The following ZNF385D variants were observed in gnomAD, a reference collection of about 807,000 sequenced individuals.
The protein encoded by ZNF385D is zinc finger protein 659.
In ZNF385D, 15 loss-of-function variants were observed where a neutral mutation model predicts 35.8. That is an observed-to-expected ratio of 0.42 (90% CI 0.28 to 0.64). ZNF385D has a LOEUF of 0.64. Ranked by LOEUF, ZNF385D falls within the 30% of genes least tolerant of loss-of-function variation. The pLI is 0.23. For missense variants in ZNF385D, 474 were observed against 494.6 expected (o/e 0.96, Z 0.39); for synonymous variants, 212 against 186.8 (o/e 1.13, Z -1.10).
chr3:22,143,858 G>A (rs1031430139), intron 3 of ZNF385D, among the ~76,000 whole-genome samples: 1 of 152,072 alleles, frequency 6.6e-6, no homozygotes, highest in Non-Finnish European at 1.5e-5. Context: ...ACTACACAAT[G>A]TATTATTTCT....
intron 3 of ZNF385D, among the ~76,000 whole-genome samples, chr3:22,045,726 A>G (rs1314449871): frequency 2.0e-5 from 3 of 150,772 alleles, no homozygotes. Flanking sequence ...TCTCACTTCT[A>G]TTTTTTTTTG....
intron 3 of ZNF385D, among the ~76,000 whole-genome samples, chr3:21,801,487 C>T (rs1432230837): frequency 6.6e-6 from 1 of 152,122 alleles, no homozygotes; most frequent in Non-Finnish European, 1.5e-5. Flanking sequence ...ATTAACAAGT[C>T]AATCTCTTTA....
intron 2 of ZNF385D, among the ~76,000 whole-genome samples, chr3:22,237,931 C>A (rs1406333824): frequency 6.6e-6 from 1 of 150,980 alleles, no homozygotes; most frequent in Non-Finnish European, 1.5e-5. Flanking sequence ...CCTGAGTCAC[C>A]ACCCCTGGGC....
At chr3:22,263,457 C>T (rs1286948253) in intron 2 of ZNF385D, among the ~76,000 whole-genome samples, 1 of 152,090 alleles carries the variant, frequency 6.6e-6, no homozygotes. Flanking sequence ...GACTATTCCA[C>T]CTGAAATAGT....
chr3:22,267,038 A>G lies in ZNF385D; in HGVS notation c.107-98003T>C, dbSNP rs115205383. Among the ~76,000 whole-genome samples the G allele has an allele frequency of 4.4e-3, 669 of 152,108 alleles. 7 individuals are homozygous for G. The highest frequency in any genetic ancestry group is 0.015 in the African/African-American group (636 of 41,566). ...ATTTAAAGTGAAACAAAAGTAGATT[A>G]GGCAATTCTCTTCTGAAGTTTAATT... On this transcript the variant is annotated intron_variant, in intron 2 of 5. Transcript: ENST00000494108.
intron 3 of ZNF385D, among the ~76,000 whole-genome samples, chr3:22,112,847 A>AC (rs1193854720): frequency 6.6e-6 from 1 of 151,968 alleles, no homozygotes; most frequent in Non-Finnish European, 1.5e-5. Context: ...ATGGGGGGGA[A>AC]AAAAAACAGA....
intron 2 of ZNF385D, among the ~76,000 whole-genome samples, chr3:22,197,337 C>A (rs1254469936): frequency 6.6e-6 from 1 of 151,944 alleles, no homozygotes; most frequent in Non-Finnish European, 1.5e-5. Context: ...TCATGATGAA[C>A]CATGTATCTC....
intron 3 of ZNF385D, among the ~76,000 whole-genome samples, chr3:21,922,489 C>T (rs145570640): frequency 9.9e-5 from 15 of 152,196 alleles, no homozygotes; most frequent in African/African-American, 1.7e-4. Flanking sequence ...GAGTCACACA[C>T]GTACAGCCAT....
intron 3 of ZNF385D, among the ~76,000 whole-genome samples, chr3:21,761,018 C>A (rs1387136410): frequency 6.6e-6 from 1 of 152,134 alleles, no homozygotes; most frequent in Non-Finnish European, 1.5e-5. Context: ...TTGCTTCTCT[C>A]TTTTGTATCA....
chr3:22,200,832 T>C (rs1458445740), intron 2 of ZNF385D, among the ~76,000 whole-genome samples: 4 of 152,102 alleles, frequency 2.6e-5, no homozygotes, highest in Non-Finnish European at 4.4e-5. Flanking sequence ...ATTTCTCCCA[T>C]TTGCTTTTGA....
At chr3:22,062,040 A>T (rs1699713876) in intron 3 of ZNF385D, among the ~76,000 whole-genome samples, 1 of 152,110 alleles carries the variant, frequency 6.6e-6, no homozygotes, top group Admixed American at 6.6e-5. Flanking sequence ...GTTGCATTTA[A>T]TTTTAATTTA....
intron 2 of ZNF385D, among the ~76,000 whole-genome samples, chr3:21,623,576 G>A (rs1452151139): frequency 6.6e-6 from 1 of 151,922 alleles, no homozygotes; most frequent in African/African-American, 2.4e-5. Context: ...CCAGGAGTTC[G>A]AGCTATGATG....
At position 22,031,112 on chromosome 3, in the gene ZNF385D, G is replaced by A. The variant is rs115842905; in HGVS notation, c.325+137705C>T. The stretch of plus-strand genomic sequence containing the variant: ...TGCCCCTGTGGCTTTGCAGGATTCA[G>A]CCACGTGGCTGCTTTCTTAGGCTGG... On this transcript the variant is annotated intron_variant, in intron 3 of 5. Transcript: ENST00000494108. 4.4e-3 allele frequency among the ~76,000 whole-genome samples: 673 copies of A among 152,346 alleles called. 2 individuals are homozygous for A. Among genetic ancestry groups the A allele is most frequent in the Non-Finnish European group, 7.1e-3 (484 of 68,038 alleles).
At chr3:21,780,365 C>A (rs2071442248) in intron 3 of ZNF385D, among the ~76,000 whole-genome samples, 1 of 151,942 alleles carries the variant, frequency 6.6e-6, no homozygotes, top group South Asian at 2.1e-4. Context: ...GGATTCATGT[C>A]ACAGTTTACT....
chr3:21,728,177 C>T (rs1467774187), intron 1 of ZNF385D, among the ~76,000 whole-genome samples: 1 of 151,868 alleles, frequency 6.6e-6, no homozygotes, highest in East Asian at 1.9e-4. Context: ...GGAGAAATAC[C>T]TAATGTAAGT....
At chr3:21,774,305 G>A (rs984936873) in intron 3 of ZNF385D, among the ~76,000 whole-genome samples, 12 of 147,730 alleles carry the variant, frequency 8.1e-5, no homozygotes, top group Admixed American at 2.8e-4. Flanking sequence ...GAGCATCAGG[G>A]AGAATAGCTA....
chr3:21,983,217 GGTTA>G (rs948452067), intron 3 of ZNF385D, among the ~76,000 whole-genome samples: 9 of 144,874 alleles, frequency 6.2e-5, no homozygotes, highest in African/African-American at 2.3e-4. Flanking sequence ...ACATTGTGCA[GGTTA>G]GTTACATATG....
intron 1 of ZNF385D, among the ~76,000 whole-genome samples, chr3:21,746,887 T>G (rs2069796422): frequency 2.6e-5 from 4 of 152,182 alleles, no homozygotes; most frequent in Admixed American, 2.6e-4. Context: ...GAGGTGAACT[T>G]GATGGTCCAG....
At chr3:21,514,996 C>T (rs1033271964) in intron 3 of ZNF385D, among the ~76,000 whole-genome samples, 2 of 152,110 alleles carry the variant, frequency 1.3e-5, no homozygotes, top group African/African-American at 4.8e-5. Flanking sequence ...TCCTGTAGAA[C>T]AGAACGCCAT....
Sources: allele counts gnomAD v4.1 joint callset (sites outside exome capture counted in the v4.1 genomes callset), GRCh38; gene constraint gnomAD v4.1.1; transcripts MANE v1.5; gene names NCBI Gene and HGNC (gene_info 2026-07-23, HGNC 2026-07-21).